The following SRGAP3 variants were observed in gnomAD, a reference collection of about 807,000 sequenced individuals.
SRGAP3 encodes SLIT-ROBO Rho GTPase activating protein 3.
In SRGAP3, 39 loss-of-function variants were observed where a neutral mutation model predicts 121.1. The observed-to-expected ratio is 0.32, with a 90% CI of 0.25 to 0.42. The LOEUF is 0.42. Among genes scored for constraint, SRGAP3 ranks in the 10% least tolerant of loss-of-function variants. The pLI, the probability that SRGAP3 is intolerant of heterozygous loss-of-function variation, is 1.00. For synonymous variants in SRGAP3, 601 were observed against 570.0 expected, an observed-to-expected ratio of 1.05 and a Z score of -0.77; for missense variants, 1,213 against 1,470.6, an observed-to-expected ratio of 0.82 and a Z score of 2.86.
At position 8,985,252 on chromosome 3, in the gene SRGAP3, TCC is replaced by T; in HGVS notation, c.*265_*266del. ...GGGAGAAGCCATGTGGTATTTTGCC[TCC>T]ATGTTAGGGAATGCTGTGGTTGGGG... On this transcript the variant is annotated 3_prime_UTR_variant, in exon 22 of 22. Transcript: ENST00000383836. The surrounding 1 kb of genome is among the most constrained non-coding windows in gnomAD (Gnocchi z 5.1). The T allele has an allele frequency of 1.6e-6, 1 of 620,070 alleles. No homozygotes were observed. The highest frequency in any genetic ancestry group is 2.2e-5 in the South Asian group (1 of 45,180). The allele number at this position is 620,070 out of a possible 1,614,324, so 38.4% of individuals were successfully genotyped here.
At chr3:9,265,624 C>A (rs1247941115) in intron 3 of SRGAP3, among the ~76,000 whole-genome samples, 10 of 151,178 alleles carry the variant, frequency 6.6e-5, no homozygotes, top group African/African-American at 2.4e-4. Context: ...AAAAAAAAAA[C>A]TCATCATCAC....
intron 4 of SRGAP3, among the ~76,000 whole-genome samples, chr3:9,078,628 T>G (rs991496362): frequency 4.1e-4 from 63 of 152,190 alleles, no homozygotes; most frequent in African/African-American, 1.4e-3. Flanking sequence ...CACAGGGACG[T>G]GCACTAAGCA....
intron 9 of SRGAP3, chr3:9,049,234 G>C (rs1945438053): frequency 2.7e-6 from 1 of 365,482 alleles, no homozygotes; most frequent in Non-Finnish European, 5.4e-6. Flanking sequence ...ACACAAATAA[G>C]ACTGGGGTCA....
chr3:9,111,804 C>T (rs1948633817), intron 2 of SRGAP3, among the ~76,000 whole-genome samples: 1 of 152,200 alleles, frequency 6.6e-6, no homozygotes, highest in African/African-American at 2.4e-5. Flanking sequence ...GGCCAGTGCC[C>T]TCGGCCAAGG....
chr3:9,000,437 A>T (rs542761526), intron 18 of SRGAP3, among the ~76,000 whole-genome samples: 5 of 152,336 alleles, frequency 3.3e-5, no homozygotes, highest in African/African-American at 9.6e-5. Flanking sequence ...CTCCATCCCC[A>T]GTCTCAGAGT....
intron 3 of SRGAP3, among the ~76,000 whole-genome samples, chr3:9,318,070 AATC>A (rs1955377484): frequency 6.6e-6 from 1 of 151,312 alleles, no homozygotes; most frequent in African/African-American, 2.4e-5. Flanking sequence ...GCTAATTTGA[AATC>A]TTCTTCCCAC....
At chr3:9,002,609 AT>A (rs1182565550) in intron 18 of SRGAP3, among the ~76,000 whole-genome samples, 1 of 152,172 alleles carries the variant, frequency 6.6e-6, no homozygotes, top group Admixed American at 6.5e-5. Flanking sequence ...AATTAATAAA[AT>A]AGAGAACAGA....
rs529595280 is a variant in SRGAP3 at position 9,022,067 on chromosome 3, G to A, written c.1678+3194C>T. On this transcript the variant is annotated intron_variant, in intron 14 of 21. Transcript: ENST00000383836. ...AAACTGGCCAGGCGCAGTGGCTCAC[G>A]CCTATAATCCCAGCACTTTCGGAGG... Among the ~76,000 whole-genome samples, 5 of 152,346 alleles carry A rather than the reference G, an allele frequency of 3.3e-5. No individual in the cohort carries two copies. In the South Asian group the frequency reaches 1.0e-3, roughly 32 times the overall value.
intron 1 of SRGAP3, among the ~76,000 whole-genome samples, chr3:9,355,292 A>T (rs2030434766): frequency 6.6e-6 from 1 of 152,222 alleles, no homozygotes; most frequent in Non-Finnish European, 1.5e-5. Flanking sequence ...CACTTGGACC[A>T]ATGAAATCAC....
chr3:9,101,550 T>C (rs1162173070), intron 3 of SRGAP3, among the ~76,000 whole-genome samples: 2 of 152,172 alleles, frequency 1.3e-5, no homozygotes, highest in Non-Finnish European at 2.9e-5. Context: ...GCCCTCTGGT[T>C]ATCACACGGC....
chr3:9,354,808 C>G (rs765848967), intron 1 of SRGAP3, among the ~76,000 whole-genome samples: 4 of 151,942 alleles, frequency 2.6e-5, no homozygotes, highest in Non-Finnish European at 5.9e-5. Flanking sequence ...TGATATGAAT[C>G]ATCACACTTA....
chr3:9,196,054 G>A (rs1951906426), intron 1 of SRGAP3, among the ~76,000 whole-genome samples: 1 of 152,216 alleles, frequency 6.6e-6, no homozygotes, highest in Admixed American at 6.5e-5. Flanking sequence ...TGGCTTTGGA[G>A]GAATCCCAGG....
chr3:9,343,165 T>C (rs1170032662), intron 1 of SRGAP3, among the ~76,000 whole-genome samples: 4 of 152,356 alleles, frequency 2.6e-5, no homozygotes, highest in African/African-American at 2.4e-5. Context: ...TGTATGTCCA[T>C]TAACGTAGCT....
chr3:9,072,610 C>A (rs2664092), intron 4 of SRGAP3, among the ~76,000 whole-genome samples: 25,170 of 152,270 alleles, frequency 0.17, 2,539 homozygotes, highest in Admixed American at 0.27. Context: ...CCTGGTCTCC[C>A]TTCCAGGGCA....
chr3:9,037,670 C>T (rs1944818416), intron 11 of SRGAP3: 3 of 297,032 alleles, frequency 1.0e-5, no homozygotes, highest in African/African-American at 6.5e-5. Context: ...CGCAGCATGG[C>T]TGGGCAGTTT....
chr3:9,024,054 G>A (rs546597865), intron 14 of SRGAP3, among the ~76,000 whole-genome samples: 15 of 152,312 alleles, frequency 9.8e-5, no homozygotes, highest in African/African-American at 3.6e-4. Context: ...GGTGGTAGGG[G>A]AGCTAGGTAA....
intron 1 of SRGAP3, among the ~76,000 whole-genome samples, chr3:9,168,625 C>T (rs982325352): frequency 5.9e-5 from 9 of 152,216 alleles, no homozygotes; most frequent in Non-Finnish European, 1.2e-4. Flanking sequence ...CAAATGGAGA[C>T]CTCTTTCTGG....
chr3:9,018,199 G>C (rs757164518), intron 14 of SRGAP3, among the ~76,000 whole-genome samples: 7 of 152,100 alleles, frequency 4.6e-5, no homozygotes, highest in South Asian at 2.1e-4. Context: ...CTTCTTTATG[G>C]CTGGATAGTA....
At chr3:9,279,591 G>A (rs1056905173) in intron 3 of SRGAP3, among the ~76,000 whole-genome samples, 3 of 146,080 alleles carry the variant, frequency 2.1e-5, no homozygotes, top group African/African-American at 7.7e-5. Context: ...TCGGCTCACA[G>A]CCACCTCAAC....
Sources: gnomAD v4.1 joint callset for allele counts (sites outside exome capture counted in the v4.1 genomes callset) on GRCh38, gnomAD v4.1.1 for gene constraint, Gnocchi (gnomAD v3.1) non-coding constraint, MANE v1.5 for transcripts, NCBI Gene and HGNC (gene_info 2026-07-23, HGNC 2026-07-21) for gene names.